LGSN: variants seen among roughly 807,000 people sequenced by gnomAD.
LGSN encodes the protein lengsin, lens protein with glutamine synthetase domain.
LGSN carries 21 observed loss-of-function variants against 19.5 expected under a neutral mutation model. The observed-to-expected ratio is 1.07, with a 90% CI of 0.76 to 1.55. The LOEUF (loss-of-function observed/expected upper bound fraction) is 1.55, where lower values mean the gene tolerates loss of function less well. Ranked by LOEUF, LGSN falls within the 40% of genes most tolerant of loss-of-function variation. LGSN has a pLI of 0.00. For synonymous variants in LGSN, 257 were observed against 215.6 expected (o/e 1.19, Z -1.68); for missense variants, 673 against 608.5 (o/e 1.11, Z -1.12).
chr6:63,282,562 G>A (rs1463322362), intron 3 of LGSN, among the ~76,000 whole-genome samples: 6 of 152,148 alleles, frequency 3.9e-5, no homozygotes, highest in Admixed American at 3.9e-4. Flanking sequence ...CAAGAAGCAT[G>A]GCTATCAAAG....
the LGSN span, among the ~76,000 whole-genome samples, chr6:63,413,512 C>T: frequency 2.0e-5 from 3 of 152,136 alleles, no homozygotes; most frequent in Non-Finnish European, 4.4e-5. Flanking sequence ...AGCATAAGCC[C>T]TGTTTTAACT....
At chr6:63,441,288 A>C in the LGSN span, 1 of 420,858 alleles carries the variant, frequency 2.4e-6, no homozygotes, top group South Asian at 2.3e-5. Flanking sequence ...TAGAAAGAAC[A>C]AGCCGCAGCA....
the LGSN span, chr6:63,392,370 G>A: frequency 3.3e-5 from 5 of 152,410 alleles, no homozygotes; most frequent in Non-Finnish European, 7.3e-5. Flanking sequence ...GTAAATGAGA[G>A]CAGCACTATC....
chr6:63,382,616 A>C, the LGSN span, among the ~76,000 whole-genome samples: 2 of 152,290 alleles, frequency 1.3e-5, no homozygotes, highest in Admixed American at 6.5e-5. Flanking sequence ...ACTGTCTCAG[A>C]AGGACAGTCC....
intron 1 of LGSN, among the ~76,000 whole-genome samples, chr6:63,313,457 C>T (rs1045428682): frequency 6.6e-6 from 1 of 152,062 alleles, no homozygotes; most frequent in Non-Finnish European, 1.5e-5. Flanking sequence ...GTAAAGAAGA[C>T]AGAAAATATG....
chr6:63,395,595 G>C, the LGSN span: 1 of 153,324 alleles, frequency 6.5e-6, no homozygotes, highest in Non-Finnish European at 1.5e-5. Flanking sequence ...CTGGCTCCTG[G>C]CCTGGGGCTC....
At chr6:63,416,917 A>G in the LGSN span, among the ~76,000 whole-genome samples, 3 of 94,670 alleles carry the variant, frequency 3.2e-5, no homozygotes, top group African/African-American at 9.1e-5. Flanking sequence ...AAGTGTATGT[A>G]CATACATATG....
Position 63,280,096 on chromosome 6 carries a change from A to C in LGSN, c.1455T>G (p.Val485=), listed in dbSNP as rs776385075. ...ALGETFIRYF[V]AMKKYELENE... ...TCTCCAACTCATATTTCTTCATGGC[A>C]ACAAAATATCGAATAAAGGTTTCTC... Residue 485 remains valine, a synonymous_variant, in exon 4 of 4, where the codon GTT becomes GTG. Transcript: ENST00000370657. 1 of 1,613,854 alleles carries C rather than the reference A, an allele frequency of 6.2e-7. No homozygotes were observed. The highest frequency in any genetic ancestry group is 2.2e-5 in the East Asian group (1 of 44,882).
In LGSN at chr6:63,280,718, G is replaced by C. The variant is rs146717594; in HGVS notation, c.833C>G (p.Ser278Ter). The change falls in exon 4 of 4, where the codon TCA becomes TGA. Residue 278 changes from serine (S) to a stop codon, truncating the protein, a stop_gained. Coordinates refer to ENST00000370657, the MANE Select transcript of LGSN (RefSeq NM_016571.3). LOFTEE classifies it low-confidence loss of function (END_TRUNC). ...TCTGAGGGTAAATGCATTATCAGCT[G>C]AGCTAATGCCAAATTCAGGCAGGAA... ...ISFLPEFGIS[S>*]ADNAFTLRTG... The C allele has an allele frequency of 5.9e-5, 96 of 1,613,986 alleles. No individual in the cohort carries two copies. The highest frequency in any genetic ancestry group is 8.0e-5 in the Non-Finnish European group (94 of 1,180,024).
In LGSN at chr6:63,280,196, G is replaced by A. The variant is rs184204164; in HGVS notation, c.1355C>T (p.Pro452Leu). ...DESTDFYQVE[P>L]SEIPLKLEDA... ...TTCTAGTTTTAAAGGGATCTCAGAAGGTTCCACTTGGTAAAAGTCTGTGCT... is the reference window on the plus strand; with the variant it reads ...TTCTAGTTTTAAAGGGATCTCAGAAAGTTCCACTTGGTAAAAGTCTGTGCT... Residue 452 changes from proline to leucine, a missense_variant, in exon 4 of 4, where the codon CCT becomes CTT. Transcript: ENST00000370657. 1,392 of 1,614,176 alleles carry A rather than the reference G, an allele frequency of 8.6e-4. 20 individuals are homozygous for A. In the East Asian group the frequency reaches 0.026, roughly 30 times the overall value.
chr6:63,380,324 G>A, the LGSN span, among the ~76,000 whole-genome samples: 1 of 152,200 alleles, frequency 6.6e-6, no homozygotes, highest in South Asian at 2.1e-4. Context: ...GTACTTGGCA[G>A]ACATCTAAAA....
the LGSN span, among the ~76,000 whole-genome samples, chr6:63,549,783 A>G: frequency 6.6e-6 from 1 of 152,164 alleles, no homozygotes; most frequent in South Asian, 2.1e-4. Context: ...AGTAAAAAGT[A>G]GAACAGGGTA....
the LGSN span, among the ~76,000 whole-genome samples, chr6:63,456,167 T>G: frequency 6.6e-6 from 1 of 151,268 alleles, no homozygotes; most frequent in African/African-American, 2.4e-5. Context: ...GAGGTAAAGG[T>G]TGCAGTGAGC....
the LGSN span, among the ~76,000 whole-genome samples, chr6:63,566,795 G>T: frequency 1.3e-5 from 2 of 152,162 alleles, no homozygotes. Flanking sequence ...AGTGCTGTTT[G>T]ATAGTATTTT....
intron 1 of LGSN, among the ~76,000 whole-genome samples, chr6:63,302,204 T>C (rs370128885): frequency 6.6e-6 from 1 of 152,192 alleles, no homozygotes; most frequent in South Asian, 2.1e-4. Context: ...CCTAATATTC[T>C]GATATGTCTT....
At chr6:63,506,800 C>T in the LGSN span, among the ~76,000 whole-genome samples, 6 of 152,146 alleles carry the variant, frequency 3.9e-5, no homozygotes, top group African/African-American at 1.2e-4. Flanking sequence ...TATATTGTTG[C>T]TCTGGTAAAG....
At chr6:63,391,421 A>G in the LGSN span, among the ~76,000 whole-genome samples, 1 of 152,182 alleles carries the variant, frequency 6.6e-6, no homozygotes, top group Non-Finnish European at 1.5e-5. Context: ...ATCTGCAAAG[A>G]TCCATGCATC....
intron 1 of LGSN, among the ~76,000 whole-genome samples, chr6:63,318,412 C>A (rs1768949104): frequency 6.6e-6 from 1 of 152,156 alleles, no homozygotes; most frequent in African/African-American, 2.4e-5. Flanking sequence ...TGTCACATGT[C>A]ATCTCTCTCC....
At chr6:63,491,922 G>A in the LGSN span, among the ~76,000 whole-genome samples, 2 of 151,902 alleles carry the variant, frequency 1.3e-5, no homozygotes, top group Non-Finnish European at 2.9e-5. Flanking sequence ...CCATCTACTC[G>A]GGAGGCTGAG....
Sources: gnomAD v4.1 joint callset for allele counts (sites outside exome capture counted in the v4.1 genomes callset) on GRCh38, gnomAD v4.1.1 for gene constraint, MANE v1.5 for transcripts, NCBI Gene and HGNC (gene_info 2026-07-23, HGNC 2026-07-21) for gene names.